UBAC2: variants seen among roughly 807,000 people sequenced by gnomAD.
UBAC2 encodes the protein ubiquitin-associated domain-containing protein 2.
In UBAC2, 26 loss-of-function variants were observed where a neutral mutation model predicts 44.0. The observed-to-expected ratio is 0.59, with a 90% CI of 0.43 to 0.82. UBAC2 has a LOEUF of 0.82. Among genes scored for constraint, UBAC2 ranks in the 40% least tolerant of loss-of-function variants. The pLI, the probability that UBAC2 is intolerant of heterozygous loss-of-function variation, is 0.00. For synonymous variants in UBAC2, 155 were observed against 154.3 expected (o/e 1.00, Z -0.04); for missense variants, 329 against 419.4 (o/e 0.78, Z 1.88).
intron 8 of UBAC2, among the ~76,000 whole-genome samples, chr13:99,375,677 G>T (rs2045470120): frequency 6.6e-6 from 1 of 152,172 alleles, no homozygotes; most frequent in African/African-American, 2.4e-5. Context: ...CTTTCACTGA[G>T]GGGAGTTGCT....
intron 7 of UBAC2, among the ~76,000 whole-genome samples, chr13:99,345,931 C>T (rs1283815083): frequency 5.3e-5 from 8 of 151,852 alleles, no homozygotes; most frequent in Non-Finnish European, 1.0e-4. Context: ...TTAGTAAAGA[C>T]GGGGTTTCAC....
At chr13:99,380,148 G>T (rs912130) in intron 8 of UBAC2, among the ~76,000 whole-genome samples, 87,590 of 152,094 alleles carry the variant, frequency 0.58, 26,916 homozygotes, top group Non-Finnish European at 0.71. Flanking sequence ...TGTGGAACTT[G>T]CCATTTGTAC....
At chr13:99,342,422 T>C (rs920833092) in intron 7 of UBAC2, among the ~76,000 whole-genome samples, 2 of 151,654 alleles carry the variant, frequency 1.3e-5, no homozygotes, top group African/African-American at 4.8e-5. Context: ...CACTGCAGAG[T>C]GGAAAGGGCC....
In UBAC2 at chr13:99,268,631, A is replaced by G. The variant is rs113314787; in HGVS notation, c.389+24007A>G. Among the ~76,000 whole-genome samples, 947 of 130,234 alleles carry G rather than the reference A, an allele frequency of 7.3e-3. 12 individuals are homozygous for G. Among genetic ancestry groups the G allele is most frequent in the African/African-American group, 0.025 (892 of 36,120 alleles). 85.4% of individuals were successfully genotyped at this position (130,234 alleles called of 152,430 possible). A position where few individuals can be genotyped will look rare whatever the true frequency, so the allele number is the denominator to read the frequency against. On this transcript the variant is annotated intron_variant, in intron 4 of 8. Transcript: ENST00000403766. Reference sequence around the variant, plus strand: ...TGTCTCAAAAAAAAAAAAAAAAAAAAAAAGAAACACAAAAGGTAAAGAAGG... The same window carrying G: ...TGTCTCAAAAAAAAAAAAAAAAAAAGAAAGAAACACAAAAGGTAAAGAAGG...
intron 1 of UBAC2, chr13:99,201,707 C>T: frequency 2.4e-6 from 2 of 834,542 alleles, no homozygotes; most frequent in Non-Finnish European, 3.7e-6. Context: ...TTTGCAATTG[C>T]TTGTCACTGT....
At chr13:99,215,277 T>G in intron 1 of UBAC2, 1 of 700,374 alleles carries the variant, frequency 1.4e-6, no homozygotes, top group South Asian at 1.6e-5. Context: ...GACAAAATTG[T>G]GTTTTTCACA....
rs150466889 is a variant in UBAC2 at position 99,211,543 on chromosome 13, G to C, written c.31+10604G>C. Among the ~76,000 whole-genome samples, 44 of 152,308 alleles carry C rather than the reference G, an allele frequency of 2.9e-4. No individual in the cohort carries two copies. The East Asian group carries it at 8.5e-3, about 29-fold the overall frequency. ...GATAAAATACTACGTGTTAGGCACT[G>C]TTCTAAGCAGTTTACCTATATTGAC... On this transcript the variant is annotated intron_variant, in intron 1 of 8. Transcript: ENST00000403766.
intron 4 of UBAC2, among the ~76,000 whole-genome samples, chr13:99,306,396 C>T (rs2044335612): frequency 6.6e-6 from 1 of 151,746 alleles, no homozygotes; most frequent in South Asian, 2.1e-4. Flanking sequence ...TATTAGGTAA[C>T]TTGTGTGTGG....
intron 3 of UBAC2, 33 bp downstream of exon 3, chr13:99,243,984 A>C (rs1384804100): frequency 6.8e-7 from 1 of 1,476,732 alleles, no homozygotes; most frequent in Non-Finnish European, 9.0e-7. Flanking sequence ...TTTGCTACTT[A>C]GGCTGTAGAA....
chr13:99,333,325 C>T (rs2044743344), intron 6 of UBAC2, among the ~76,000 whole-genome samples: 1 of 152,228 alleles, frequency 6.6e-6, no homozygotes, highest in African/African-American at 2.4e-5. Context: ...TATTTGACAA[C>T]TTGAGGTCAT....
chr13:99,235,178 C>T (rs934620223), intron 1 of UBAC2, among the ~76,000 whole-genome samples: 1 of 152,110 alleles, frequency 6.6e-6, no homozygotes, highest in Admixed American at 6.5e-5. Context: ...CACTTTTAGC[C>T]TCTTTTAATT....
intron 4 of UBAC2, chr13:99,254,955 G>A (rs893213158): frequency 6.2e-7 from 1 of 1,613,840 alleles, no homozygotes; most frequent in Non-Finnish European, 8.5e-7. Context: ...TGCTTCGAAG[G>A]TAATTACGGT....
chr13:99,341,573 CTCTG>C, intron 7 of UBAC2, among the ~76,000 whole-genome samples: 1 of 152,126 alleles, frequency 6.6e-6, no homozygotes, highest in Non-Finnish European at 1.5e-5. Context: ...GGATGGACAT[CTCTG>C]TCTTGGAAAT....
chr13:99,370,220 A>G (rs1252730103), intron 8 of UBAC2, among the ~76,000 whole-genome samples: 1 of 152,240 alleles, frequency 6.6e-6, no homozygotes, highest in Admixed American at 6.5e-5. Context: ...GATGTGTGCA[A>G]CCTGCTCTCA....
At chr13:99,218,935 G>C (rs1308679952) in intron 1 of UBAC2, among the ~76,000 whole-genome samples, 1 of 152,148 alleles carries the variant, frequency 6.6e-6, no homozygotes, top group Non-Finnish European at 1.5e-5. Flanking sequence ...GGTGTCTCTT[G>C]CAAGGCATGG....
At chr13:99,250,468 TAATCTGAAGTCAGGTAATGTGATGCC>T in intron 4 of UBAC2, among the ~76,000 whole-genome samples, 1 of 150,848 alleles carries the variant, frequency 6.6e-6, no homozygotes, top group East Asian at 1.9e-4. Context: ...TGTAGCCTTA[TAATCTGAAGTCAGGTAATGTGATGCC>T]TCTGGCTTTG....
At position 99,314,162 on chromosome 13, in the gene UBAC2, A is replaced by G; in HGVS notation, c.455A>G (p.Gln152Arg). The change falls in exon 5 of 9, where the codon CAA becomes CGA. Residue 152 changes from glutamine (Q) to arginine (R), a missense_variant. Physicochemically the swap from Gln to Arg is conservative, Grantham distance 43 (BLOSUM62 1). Transcript: ENST00000403766. Reference sequence around the variant, plus strand: ...TCCATACCAAGAGTCCAAGTGGCACAAATTCTGGGTCCGTTGTCCATCACA... The same window carrying G: ...TCCATACCAAGAGTCCAAGTGGCACGAATTCTGGGTCCGTTGTCCATCACA... ...YCSIPRVQVA[Q>R]ILGPLSITNK... 6.2e-7 allele frequency: 1 copy of G among 1,613,984 alleles called. No individual in the cohort carries two copies. The highest frequency in any genetic ancestry group is 1.1e-5 in the South Asian group (1 of 91,054).
intron 6 of UBAC2, among the ~76,000 whole-genome samples, chr13:99,323,440 AAAAC>A (rs749779203): frequency 9.2e-5 from 14 of 152,310 alleles, no homozygotes; most frequent in East Asian, 1.9e-4. Context: ...GTTTCTACAA[AAAAC>A]AAACAAACAA....
intron 1 of UBAC2, among the ~76,000 whole-genome samples, chr13:99,216,130 C>G (rs1245347921): frequency 6.6e-6 from 1 of 151,582 alleles, no homozygotes; most frequent in Non-Finnish European, 1.5e-5. Flanking sequence ...GAGACACAGT[C>G]TCACTCTGAC....
Sources: gnomAD v4.1 joint callset for allele counts (sites outside exome capture counted in the v4.1 genomes callset) on GRCh38, gnomAD v4.1.1 for gene constraint, MANE v1.5 for transcripts, NCBI Gene and HGNC (gene_info 2026-07-23, HGNC 2026-07-21) for gene names.